Variants in VPS13A observed in about 807,000 individuals in gnomAD.
VPS13A encodes the protein intermembrane lipid transfer protein VPS13A.
Under a neutral mutation model 390.9 loss-of-function variants are expected in VPS13A, and 264 were observed. The observed-to-expected ratio is 0.68, with a 90% CI of 0.61 to 0.75. The LOEUF (loss-of-function observed/expected upper bound fraction) is 0.75. Ranked by LOEUF, VPS13A falls within the 30% of genes least tolerant of loss-of-function variation. VPS13A has a pLI of 0.00. For missense variants in VPS13A, 3,409 were observed against 3,733.9 expected (o/e 0.91, Z 2.27); for synonymous variants, 1,231 against 1,227.1 (o/e 1.00, Z -0.07).
chr9:77,250,825 C>G (rs116076117), intron 21 of VPS13A, among the ~76,000 whole-genome samples: 2 of 152,150 alleles, frequency 1.3e-5, no homozygotes, highest in Non-Finnish European at 1.5e-5. Context: ...GCCAGAAATT[C>G]ACTTGCCAAG....
At chr9:77,297,046 T>G (rs970163991) in intron 33 of VPS13A, among the ~76,000 whole-genome samples, 1 of 152,122 alleles carries the variant, frequency 6.6e-6, no homozygotes, top group African/African-American at 2.4e-5. Context: ...GTTAGCGATT[T>G]ATCCGTTTTA....
At chr9:77,252,155 T>C in intron 21 of VPS13A, 80 bp from the exon 22 acceptor site, 2 of 1,125,916 alleles carry the variant, frequency 1.8e-6, no homozygotes, top group Non-Finnish European at 2.7e-6. Flanking sequence ...TAATGGAATG[T>C]GTGACTATGA....
chr9:77,302,821 T>C (rs1828460177), intron 33 of VPS13A, 94 bp from the exon 34 acceptor site: 1 of 1,287,370 alleles, frequency 7.8e-7, no homozygotes, highest in Non-Finnish European at 1.1e-6. Flanking sequence ...TGATTTCTGC[T>C]ATTTGCATAT....
chr9:77,196,999 G>A (rs1184974791), intron 1 of VPS13A, among the ~76,000 whole-genome samples: 1 of 152,120 alleles, frequency 6.6e-6, no homozygotes, highest in Non-Finnish European at 1.5e-5. Flanking sequence ...AGTCACACCA[G>A]CATTTATTTT....
At chr9:77,313,577 G>C (rs1021610273) in intron 35 of VPS13A, among the ~76,000 whole-genome samples, 5 of 152,100 alleles carry the variant, frequency 3.3e-5, no homozygotes, top group African/African-American at 1.2e-4. Flanking sequence ...GAATTCTTCT[G>C]ATTAGTAGAA....
intron 10 of VPS13A, among the ~76,000 whole-genome samples, chr9:77,219,208 A>G (rs1245565929): frequency 6.6e-6 from 1 of 151,962 alleles, no homozygotes; most frequent in Non-Finnish European, 1.5e-5. Flanking sequence ...AAAGAACAAG[A>G]TCTTTAAGCA....
rs151069489 is a variant in VPS13A, at chr9:77,226,510, T to C, written c.1269T>C (p.Asp423=). The C allele has an allele frequency of 8.9e-5, 144 of 1,612,700 alleles. 1 individual carries two copies. The highest frequency in any genetic ancestry group is 1.5e-4 in the South Asian group (14 of 91,046). Residue 423 remains aspartate (D), a synonymous_variant, in exon 15 of 72, where the codon GAT becomes GAC. Coordinates refer to ENST00000360280, the MANE Select transcript of VPS13A (RefSeq NM_033305.3). ...GYKIYKEGVK[D]PEDNKGWFSW... Reference sequence around the variant, plus strand: ...AAATTTACAAAGAAGGAGTAAAAGATCCAGAGGATAATAAAGGGTGGTTTA... The same window carrying C: ...AAATTTACAAAGAAGGAGTAAAAGACCCAGAGGATAATAAAGGGTGGTTTA...
At chr9:77,283,217 C>T in intron 29 of VPS13A, 138 bp from the exon 30 acceptor site, 5 of 594,850 alleles carry the variant, frequency 8.4e-6, no homozygotes, top group East Asian at 2.8e-5. Flanking sequence ...AATATCATAC[C>T]TTGCTTTCAA....
rs1412594943 is a variant in VPS13A, at chr9:77,315,342, T to G, written c.4502T>G (p.Val1501Gly). 4 of 1,614,020 alleles carry G rather than the reference T, an allele frequency of 2.5e-6. No homozygotes were observed. Among genetic ancestry groups the G allele is most frequent in the Non-Finnish European group, 3.4e-6 (4 of 1,179,880 alleles). ...KVRDGCVTDA[V>G]FQEMYICASV... Reference sequence around the variant, plus strand: ...AGAGATGGTTGTGTGACTGATGCGGTCTTTCAAGAAATGTATATTTGTGCA... The same window carrying G: ...AGAGATGGTTGTGTGACTGATGCGGGCTTTCAAGAAATGTATATTTGTGCA... Residue 1501 changes from valine to glycine, a missense_variant, in exon 38 of 72, where the codon GTC (valine) becomes GGC (glycine). By Grantham distance (109) the Val-to-Gly change is moderately radical. This residue lies in a region of VPS13A where 2,717 missense variants were observed against 2,917.4 expected (regional missense o/e 0.93). Coordinates refer to ENST00000360280, the MANE Select transcript of VPS13A (RefSeq NM_033305.3).
In VPS13A at chr9:77,238,295, A is replaced by C; in HGVS notation, c.1809A>C (p.Glu603Asp). ...AGAGGACAGTGAATAGTATAGTGGA[A>C]TTCTTCAGACCTCCAAAAGAGGTAC... ...YDARTVNSIV[E>D]FFRPPKEVHL... is the part of the protein sequence containing the mutation. The change falls in exon 19 of 72, where the codon GAA becomes GAC. Residue 603 changes from glutamate (E) to aspartate (D), a missense_variant. This residue lies in a region of VPS13A where 2,717 missense variants were observed against 2,917.4 expected (regional missense o/e 0.93). Transcript: ENST00000360280. 6.2e-7 allele frequency: 1 copy of C among 1,613,984 alleles called. No homozygotes were observed. Among genetic ancestry groups the C allele is most frequent in the Non-Finnish European group, 8.5e-7 (1 of 1,179,918 alleles).
rs182910274 is a variant in VPS13A at position 77,370,785 on chromosome 9, T to A, written c.8908-105T>A. 31 of 1,490,830 alleles carry A rather than the reference T, an allele frequency of 2.1e-5. No individual in the cohort carries two copies. The Middle Eastern group carries it at 7.2e-4, about 35-fold the overall frequency. 92.4% of individuals were successfully genotyped at this position (1,490,830 alleles called of 1,614,324 possible). A position where few individuals can be genotyped will look rare whatever the true frequency, so the allele number is the denominator to read the frequency against. On this transcript the variant is annotated intron_variant, in intron 65 of 71. Transcript: ENST00000360280. ...TACTTAGGAGATCTGTTAATTCTTA[T>A]GCTATATAAAAAGCAGAACTCTGTA...
At chr9:77,329,702 C>G (rs942088488) in intron 45 of VPS13A, among the ~76,000 whole-genome samples, 2 of 152,144 alleles carry the variant, frequency 1.3e-5, no homozygotes, top group Admixed American at 6.5e-5. Context: ...TTGCTTGATG[C>G]AGGGTTGCCA....
intron 21 of VPS13A, among the ~76,000 whole-genome samples, chr9:77,251,671 A>C (rs1220388203): frequency 6.6e-6 from 1 of 152,044 alleles, no homozygotes; most frequent in Non-Finnish European, 1.5e-5. Flanking sequence ...TTTATTGTCT[A>C]TATTATGCTA....
At chr9:77,377,898 C>T (rs936284992) in intron 67 of VPS13A, among the ~76,000 whole-genome samples, 13 of 152,196 alleles carry the variant, frequency 8.5e-5, no homozygotes, top group East Asian at 5.8e-4. Flanking sequence ...TTTTATGAAA[C>T]GCTTTTTCTG....
intron 2 of VPS13A, 100 bp downstream of exon 2, chr9:77,200,088 A>C (rs746374841): frequency 8.6e-7 from 1 of 1,165,134 alleles, no homozygotes; most frequent in South Asian, 1.4e-5. Context: ...AATTTGAGAA[A>C]GTTTTTTGTA....
chr9:77,281,806 T>G (rs1462588476), intron 27 of VPS13A, 61 bp from the exon 28 acceptor site: 1 of 1,034,014 alleles, frequency 9.7e-7, no homozygotes, highest in Non-Finnish European at 1.5e-6. Context: ...AGGACTATAA[T>G]GTGATTGTAT....
chr9:77,260,040 C>A, intron 22 of VPS13A, 46 bp from the exon 23 acceptor site: 1 of 1,241,850 alleles, frequency 8.1e-7, no homozygotes, highest in South Asian at 1.4e-5. Flanking sequence ...GCACTTAAAT[C>A]AGAATAATTC....
chr9:77,360,674 G>C, intron 59 of VPS13A, 33 bp downstream of exon 59: 1 of 1,453,570 alleles, frequency 6.9e-7, no homozygotes, highest in Non-Finnish European at 9.6e-7. Context: ...TTGATGGAAA[G>C]GATTAGGGAA....
intron 19 of VPS13A, among the ~76,000 whole-genome samples, chr9:77,239,005 A>G (rs531089662): frequency 1.3e-5 from 2 of 152,224 alleles, no homozygotes; most frequent in East Asian, 1.9e-4. Flanking sequence ...TTTCATATCT[A>G]TACCTATTCA....
Sources: gnomAD v4.1 joint callset for allele counts (sites outside exome capture counted in the v4.1 genomes callset) on GRCh38, gnomAD v4.1.1 for gene constraint, gnomAD v4.1.1 regional missense constraint, MANE v1.5 for transcripts, NCBI Gene and HGNC (gene_info 2026-07-23, HGNC 2026-07-21) for gene names.